The following CDH6 variants were observed in gnomAD, a reference collection of about 807,000 sequenced individuals.
CDH6 encodes the protein cadherin 6.
In CDH6, 31 loss-of-function variants were observed where a neutral mutation model predicts 78.0. The ratio of observed to expected loss-of-function variants is 0.40; its 90% CI spans 0.30 to 0.54. The LOEUF is 0.54. Ranked by LOEUF, CDH6 falls within the 20% of genes least tolerant of loss-of-function variation. The pLI is 0.56. For missense variants in CDH6, 724 were observed against 975.9 expected (o/e 0.74, Z 3.44); for synonymous variants, 376 against 368.8 (o/e 1.02, Z -0.23).
intron 8 of CDH6, 85 bp downstream of exon 8, chr5:31,313,539 T>G: frequency 7.8e-7 from 1 of 1,275,508 alleles, no homozygotes; most frequent in Non-Finnish European, 1.1e-6. Flanking sequence ...CTTGTCACCA[T>G]GTATTGACAA....
At chr5:31,263,316 T>C (rs1474385015) in intron 1 of CDH6, among the ~76,000 whole-genome samples, 1 of 149,434 alleles carries the variant, frequency 6.7e-6, no homozygotes, top group Non-Finnish European at 1.5e-5. Flanking sequence ...TGGAGTGCAA[T>C]AGCATGATCT....
At chr5:31,232,540 C>G (rs927441690) in intron 1 of CDH6, among the ~76,000 whole-genome samples, 6 of 152,272 alleles carry the variant, frequency 3.9e-5, no homozygotes, top group African/African-American at 1.4e-4. Flanking sequence ...CACCCTCGGT[C>G]CAGGACAGGA....
intron 2 of CDH6, among the ~76,000 whole-genome samples, chr5:31,282,951 G>C (rs1056024895): frequency 7.2e-5 from 11 of 151,752 alleles, no homozygotes; most frequent in Admixed American, 1.3e-4. Context: ...TTATTTAAGT[G>C]TATTTTAAAA....
rs934890109 is a variant in CDH6, at chr5:31,276,774, A to C, written c.228+9073A>C. Among the ~76,000 whole-genome samples the C allele has an allele frequency of 2.0e-5, 3 of 152,228 alleles. No individual in the cohort carries two copies. The East Asian group carries it at 5.8e-4, about 29-fold the overall frequency. On this transcript the variant is annotated intron_variant, in intron 2 of 11. Coordinates refer to ENST00000265071, the MANE Select transcript of CDH6 (RefSeq NM_004932.4). ...GTGTGTAATATTAGGCAAGTAATTT[A>C]ATCTCCCTGTGCCCCCTCGATTCCT...
intron 1 of CDH6, among the ~76,000 whole-genome samples, chr5:31,246,271 T>G (rs938675890): frequency 6.6e-6 from 1 of 152,156 alleles, no homozygotes; most frequent in Admixed American, 6.6e-5. Context: ...GAGTGGCACA[T>G]GCTTTACTGT....
chr5:31,284,041 C>G (rs2149942065), intron 2 of CDH6, among the ~76,000 whole-genome samples: 1 of 152,224 alleles, frequency 6.6e-6, no homozygotes, highest in Non-Finnish European at 1.5e-5. Context: ...TCTCAAACTC[C>G]TGAGCTCAAG....
intron 1 of CDH6, among the ~76,000 whole-genome samples, chr5:31,222,829 A>G (rs891086638): frequency 6.6e-6 from 1 of 152,180 alleles, no homozygotes; most frequent in African/African-American, 2.4e-5. Context: ...TCTACTATAA[A>G]TTATAGGTCA....
chr5:31,323,562 G>A lies in CDH6; in HGVS notation c.*254G>A, dbSNP rs1053089533. The A allele has an allele frequency of 2.3e-5, 11 of 472,374 alleles. No homozygotes were observed. The highest frequency in any genetic ancestry group is 3.8e-5 in the Non-Finnish European group (10 of 262,452). The allele number at this position is 472,374 out of a possible 1,614,324, so 29.3% of individuals were successfully genotyped here. A position where few individuals can be genotyped will look rare whatever the true frequency, so the allele number is the denominator to read the frequency against. On this transcript the variant is annotated 3_prime_UTR_variant, in exon 12 of 12. Transcript: ENST00000265071. ...CAGGCAGGTGCCGGAGGGGAGGACA[G>A]GGAACAGTATTTCCACTTGTTCTCA...
chr5:31,255,642 C>T (rs1217521264), intron 1 of CDH6, among the ~76,000 whole-genome samples: 2 of 152,148 alleles, frequency 1.3e-5, no homozygotes, highest in African/African-American at 4.8e-5. Flanking sequence ...TTAACACAAA[C>T]CTGAATTAGT....
chr5:31,285,306 TTTCTCCCATCAGTAGTCTAAGC>T (rs997347572), intron 2 of CDH6, among the ~76,000 whole-genome samples: 2 of 152,188 alleles, frequency 1.3e-5, no homozygotes, highest in African/African-American at 4.8e-5. Flanking sequence ...CTAAATCATT[TTTCTCCCATCAGTAGTCTAAGC>T]TTCTCCAAGA....
chr5:31,256,824 C>T (rs1742068538), intron 1 of CDH6, among the ~76,000 whole-genome samples: 1 of 152,158 alleles, frequency 6.6e-6, no homozygotes, highest in African/African-American at 2.4e-5. Context: ...CTGGCCGCCT[C>T]TGTGTTTCTA....
At chr5:31,198,574 G>T (rs1317940937) in intron 1 of CDH6, among the ~76,000 whole-genome samples, 1 of 152,006 alleles carries the variant, frequency 6.6e-6, no homozygotes, top group Non-Finnish European at 1.5e-5. Context: ...AAATTGGTAG[G>T]TCTGGCCAAA....
chr5:31,243,128 C>G (rs1165960994), intron 1 of CDH6, among the ~76,000 whole-genome samples: 1 of 152,162 alleles, frequency 6.6e-6, no homozygotes, highest in African/African-American at 2.4e-5. Context: ...TACCCTTAGA[C>G]TCTCCTTCTT....
intron 1 of CDH6, among the ~76,000 whole-genome samples, chr5:31,237,756 T>C (rs1741492173): frequency 6.6e-6 from 1 of 152,194 alleles, no homozygotes; most frequent in Middle Eastern, 3.2e-3. Flanking sequence ...ACATTTTTTT[T>C]CCGGGAGACA....
At position 31,293,001 on chromosome 5, in the gene CDH6, G is replaced by A. The variant is rs1579890613; in HGVS notation, c.229-961G>A. 2.6e-5 allele frequency among the ~76,000 whole-genome samples: 4 copies of A among 151,770 alleles called. No homozygotes were observed. The East Asian group carries it at 7.8e-4, about 30-fold the overall frequency. On this transcript the variant is annotated intron_variant, in intron 2 of 11. Transcript: ENST00000265071. The stretch of plus-strand genomic sequence containing the variant: ...GGAAACAATAGGAAATCAACACTGT[G>A]GATATAATCTCTGGGAAAGGAAACA...
At chr5:31,217,695 G>C (rs994797947) in intron 1 of CDH6, among the ~76,000 whole-genome samples, 26 of 152,234 alleles carry the variant, frequency 1.7e-4, no homozygotes, top group Admixed American at 9.8e-4. Flanking sequence ...AACTGATGTT[G>C]AGGGGGTGAA....
At chr5:31,194,155 G>A (rs892557549) in intron 1 of CDH6, among the ~76,000 whole-genome samples, 1 of 152,012 alleles carries the variant, frequency 6.6e-6, no homozygotes, top group Admixed American at 6.5e-5. Context: ...AGACCGATCC[G>A]CCGTGGGGCT....
At chr5:31,273,148 A>G (rs1462276546) in intron 2 of CDH6, among the ~76,000 whole-genome samples, 1 of 152,236 alleles carries the variant, frequency 6.6e-6, no homozygotes, top group Non-Finnish European at 1.5e-5. Flanking sequence ...CATGATCCAA[A>G]TTAGTAAACA....
At chr5:31,313,248 A>G (rs1738204839) in intron 7 of CDH6, 70 bp from the exon 8 acceptor site, 1 of 1,379,882 alleles carries the variant, frequency 7.2e-7, no homozygotes. Flanking sequence ...CAGATGTTTT[A>G]TGATGTTCTA....
Sources: allele counts gnomAD v4.1 joint callset (sites outside exome capture counted in the v4.1 genomes callset), GRCh38; gene constraint gnomAD v4.1.1; transcripts MANE v1.5; gene names NCBI Gene and HGNC (gene_info 2026-07-23, HGNC 2026-07-21).